The following SGIP1 variants were observed in gnomAD, a reference collection of about 807,000 sequenced individuals.
SGIP1 encodes SH3GL interacting endocytic adaptor 1.
A neutral mutation model predicts 107.5 loss-of-function variants in SGIP1; 38 were observed. The observed-to-expected ratio is 0.35, with a 90% CI of 0.27 to 0.46. The LOEUF is 0.46. SGIP1 is among the 20% of genes least tolerant of loss of function. SGIP1 has a pLI of 1.00. For missense variants in SGIP1, 929 were observed against 1,019.5 expected (o/e 0.91, Z 1.21); for synonymous variants, 365 against 366.1 (o/e 1.00, Z 0.03).
Position 66,711,590 on chromosome 1 carries a change from G to A in SGIP1, c.1631-7704G>A, listed in dbSNP as rs77470287. 1.9e-3 allele frequency among the ~76,000 whole-genome samples: 287 copies of A among 152,196 alleles called. 2 individuals are homozygous for A. Among genetic ancestry groups the A allele is most frequent in the African/African-American group, 5.3e-3 (220 of 41,506 alleles). On this transcript the variant is annotated intron_variant, in intron 18 of 24. Transcript: ENST00000371037. ...TGCTTCATACATCTTCTGGAGCGTC[G>A]TCTGTCTTCTATGCACTCTGAGACT...
At chr1:66,639,755 T>C (rs760912359) in intron 4 of SGIP1, 22 bp from the exon 5 acceptor site, 1 of 1,589,642 alleles carries the variant, frequency 6.3e-7, no homozygotes, top group South Asian at 1.1e-5. Context: ...TCCTTCTAAA[T>C]TCATTTTCAA....
At chr1:66,665,542 G>A (rs1047337756) in intron 8 of SGIP1, among the ~76,000 whole-genome samples, 12 of 152,094 alleles carry the variant, frequency 7.9e-5, no homozygotes, top group African/African-American at 2.7e-4. Context: ...TTGAGGAATC[G>A]CCACACTGCC....
chr1:66,583,825 C>T (rs984845815), intron 1 of SGIP1, among the ~76,000 whole-genome samples: 8 of 152,148 alleles, frequency 5.3e-5, no homozygotes, highest in Admixed American at 4.6e-4. Context: ...GATGCCGTCT[C>T]TCCTAGTACA....
chr1:66,565,236 C>A (rs758138160), intron 1 of SGIP1, among the ~76,000 whole-genome samples: 1 of 151,974 alleles, frequency 6.6e-6, no homozygotes, highest in Non-Finnish European at 1.5e-5. Flanking sequence ...AACTTGTAAC[C>A]AAATTTATTG....
intron 18 of SGIP1, among the ~76,000 whole-genome samples, chr1:66,715,936 T>C (rs1264640209): frequency 4.6e-5 from 7 of 152,166 alleles, no homozygotes; most frequent in Non-Finnish European, 4.4e-5. Context: ...ATGATGATCA[T>C]CATAAAAGTA....
chr1:66,611,921 A>G (rs2068097170), intron 1 of SGIP1, among the ~76,000 whole-genome samples: 1 of 152,232 alleles, frequency 6.6e-6, no homozygotes, highest in Non-Finnish European at 1.5e-5. Flanking sequence ...TAGATTACTG[A>G]AAATTAAATG....
At chr1:66,633,991 C>T (rs2075302492) in intron 3 of SGIP1, 49 of 1,209,338 alleles carry the variant, frequency 4.1e-5, no homozygotes, top group Non-Finnish European at 5.4e-5. Flanking sequence ...GCGCCTTTTG[C>T]CTTCATGTGG....
chr1:66,579,824 C>G (rs2061574533), intron 1 of SGIP1, among the ~76,000 whole-genome samples: 1 of 152,186 alleles, frequency 6.6e-6, no homozygotes, highest in Non-Finnish European at 1.5e-5. Flanking sequence ...GTCATTCTCT[C>G]CTCTTCCCCA....
Position 66,699,597 on chromosome 1 carries a change from TTCA to T in SGIP1, c.1630+4109_1630+4111del, listed in dbSNP as rs540973084. Reference sequence around the variant, plus strand: ...CCCTGGCAAGTCTCATTTCAGCTGTTTCATCATTAAGAATTTGTCACCCTTTTT... The same window carrying T: ...CCCTGGCAAGTCTCATTTCAGCTGTTTCATTAAGAATTTGTCACCCTTTTT... On this transcript the variant is annotated intron_variant, in intron 18 of 24. Coordinates refer to ENST00000371037, the MANE Select transcript of SGIP1 (RefSeq NM_032291.4). Among the ~76,000 whole-genome samples the T allele has an allele frequency of 2.6e-5, 4 of 152,264 alleles. No individual in the cohort carries two copies. The South Asian group carries it at 8.3e-4, about 32-fold the overall frequency.
chr1:66,684,006 C>G, intron 15 of SGIP1: 1 of 1,487,952 alleles, frequency 6.7e-7, no homozygotes, highest in Non-Finnish European at 9.0e-7. Context: ...CTTGAGCTAC[C>G]GCGCCCAGCC....
intron 18 of SGIP1, among the ~76,000 whole-genome samples, chr1:66,707,513 A>G (rs573649928): frequency 6.6e-6 from 1 of 152,314 alleles, no homozygotes; most frequent in Admixed American, 6.5e-5. Context: ...TTACTTATAA[A>G]TTATTGCAAA....
At chr1:66,554,176 C>T (rs1396301653) in intron 1 of SGIP1, among the ~76,000 whole-genome samples, 2 of 152,138 alleles carry the variant, frequency 1.3e-5, no homozygotes, top group Admixed American at 1.3e-4. Flanking sequence ...GTGTTTCCTT[C>T]ACCCATGAGT....
chr1:66,626,073 T>C, intron 2 of SGIP1, 163 bp downstream of exon 2: 1 of 424,126 alleles, frequency 2.4e-6, no homozygotes, highest in Non-Finnish European at 4.1e-6. Flanking sequence ...AGTTCTTAGA[T>C]TTATGCTAAA....
intron 18 of SGIP1, among the ~76,000 whole-genome samples, chr1:66,698,896 C>G (rs1338609360): frequency 6.6e-6 from 1 of 151,302 alleles, no homozygotes; most frequent in African/African-American, 2.4e-5. Flanking sequence ...AAAATCATCT[C>G]GTATGTGGTG....
At chr1:66,589,449 A>C (rs1467672971) in intron 1 of SGIP1, among the ~76,000 whole-genome samples, 1 of 151,840 alleles carries the variant, frequency 6.6e-6, no homozygotes, top group African/African-American at 2.4e-5. Context: ...CTGGACTAGA[A>C]GGGCAAGAGT....
intron 14 of SGIP1, 96 bp from the exon 15 acceptor site, chr1:66,681,773 A>G: frequency 7.6e-7 from 1 of 1,321,984 alleles, no homozygotes; most frequent in South Asian, 1.4e-5. Flanking sequence ...GAGGCACCTC[A>G]GACACCAATG....
At chr1:66,573,769 G>A (rs1424064751) in intron 1 of SGIP1, among the ~76,000 whole-genome samples, 1 of 152,044 alleles carries the variant, frequency 6.6e-6, no homozygotes, top group Non-Finnish European at 1.5e-5. Flanking sequence ...GCAGAGGGTT[G>A]GAGGAGACAG....
intron 1 of SGIP1, among the ~76,000 whole-genome samples, chr1:66,561,410 C>T (rs2058929051): frequency 6.6e-6 from 1 of 151,892 alleles, no homozygotes; most frequent in Non-Finnish European, 1.5e-5. Flanking sequence ...TCAGTTTGGT[C>T]AATAAGCATG....
rs2084921111 is a variant in SGIP1 at position 66,675,257 on chromosome 1, A to G, written c.647-1747A>G. Among the ~76,000 whole-genome samples, 2 of 152,160 alleles carry G rather than the reference A, an allele frequency of 1.3e-5. 1 individual carries two copies. The highest frequency in any genetic ancestry group is 3.9e-4 in the East Asian group (2 of 5,192). On this transcript the variant is annotated intron_variant, in intron 12 of 24. Coordinates refer to ENST00000371037, the MANE Select transcript of SGIP1 (RefSeq NM_032291.4). ...ATTCATGAAGAAAATGCTGCTTCGT[A>G]TCTTTGGAGAATGTTTGCTTTCATG... is the stretch of plus-strand genomic sequence containing the variant.
Sources: allele counts gnomAD v4.1 joint callset (sites outside exome capture counted in the v4.1 genomes callset), GRCh38; gene constraint gnomAD v4.1.1; transcripts MANE v1.5; gene names NCBI Gene and HGNC (gene_info 2026-07-23, HGNC 2026-07-21).